The following HSD3B2 variants were observed in gnomAD, a reference collection of about 807,000 sequenced individuals.
HSD3B2 encodes hydroxy-delta-5-steroid dehydrogenase, 3 beta- and steroid delta-isomerase 2, also known as 3 beta-hydroxysteroid dehydrogenase/Delta 5-->4-isomerase type 2.
In HSD3B2, 8 loss-of-function variants were observed where a neutral mutation model predicts 9.9. The ratio of observed to expected loss-of-function variants is 0.81; its 90% CI spans 0.47 to 1.46. HSD3B2 has a LOEUF of 1.46. Among genes scored for constraint, HSD3B2 ranks in the 40% most tolerant of loss-of-function variants. The probability of loss-of-function intolerance (pLI) is 0.00; values close to 1 mark genes in which losing one functional copy is unlikely to be tolerated. For synonymous variants in HSD3B2, 221 were observed against 184.5 expected (o/e 1.20, Z -1.60); for missense variants, 410 against 448.3 (o/e 0.91, Z 0.77).
At position 119,415,430 on chromosome 1, in the gene HSD3B2, G is replaced by A. The variant is rs773416276; in HGVS notation, c.11G>A (p.Ser4Asn). The change falls in exon 2 of 4, where the codon AGC becomes AAC. Residue 4 changes from serine to asparagine, a missense_variant. Physicochemically the swap from Ser to Asn is conservative, Grantham distance 46. Transcript: ENST00000369416. The part of the protein sequence containing the change: MGW[S>N]CLVTGAGGLL... ...TTTGGATTGGCCACGATGGGCTGGA[G>A]CTGCCTTGTGACAGGAGCAGGAGGG... 6.2e-7 allele frequency: 1 copy of A among 1,613,870 alleles called. No homozygotes were observed. Among genetic ancestry groups the A allele is most frequent in the African/African-American group, 1.3e-5 (1 of 74,928 alleles).
intron 3 of HSD3B2, among the ~76,000 whole-genome samples, chr1:119,421,143 T>C (rs1430081154): frequency 6.6e-6 from 1 of 151,980 alleles, no homozygotes; most frequent in African/African-American, 2.4e-5. Context: ...AGAGTGTATA[T>C]TGCCTATATT....
chr1:119,415,909 A>C (rs1651694909), intron 2 of HSD3B2, among the ~76,000 whole-genome samples: 1 of 152,120 alleles, frequency 6.6e-6, no homozygotes, highest in African/African-American at 2.4e-5. Flanking sequence ...GACATTCACA[A>C]AGGACATCAT....
chr1:119,418,632 ATTAT>A, intron 2 of HSD3B2, among the ~76,000 whole-genome samples: 1 of 29,568 alleles, frequency 3.4e-5, no homozygotes, highest in Non-Finnish European at 1.1e-4. Context: ...TATTATTACT[ATTAT>A]TATTATTATT....
rs2101350904 is a variant in HSD3B2, at chr1:119,422,498, G to T, written c.997G>T (p.Ala333Ser). 6.2e-7 allele frequency: 1 copy of T among 1,614,116 alleles called. No individual in the cohort carries two copies. The highest frequency in any genetic ancestry group is 1.3e-5 in the African/African-American group (1 of 75,028). Residue 333 changes from alanine to serine, a missense_variant, in exon 4 of 4, where the codon GCT (alanine) becomes TCT (serine). Coordinates refer to ENST00000369416, the MANE Select transcript of HSD3B2 (RefSeq NM_000198.4). ...NSVFTFSYKKAQRDLAYKPLY... is the reference protein window; with the variant it reads ...NSVFTFSYKKSQRDLAYKPLY... ...TGTGTTCACCTTCTCTTACAAGAAG[G>T]CTCAGCGAGATCTGGCGTATAAGCC...
intron 3 of HSD3B2, 142 bp from the exon 4 acceptor site, chr1:119,421,667 G>T: frequency 1.0e-6 from 1 of 956,902 alleles, no homozygotes; most frequent in Admixed American, 1.7e-5. Context: ...CCCAATCTCA[G>T]TCAGAGCCAC....
chr1:119,419,405 T>G lies in HSD3B2; in HGVS notation c.143-13T>G, dbSNP rs765726425. On this transcript the variant is annotated splice_polypyrimidine_tract_variant and intron_variant, in intron 2 of 3. Coordinates refer to ENST00000369416, the MANE Select transcript of HSD3B2 (RefSeq NM_000198.4). ...CAGAAATCTTTCCAATGACCTGACCTGTGTTCACACAGAGCTCCAGAACAG... is the reference window on the plus strand; with the variant it reads ...CAGAAATCTTTCCAATGACCTGACCGGTGTTCACACAGAGCTCCAGAACAG... 7.4e-6 allele frequency: 12 copies of G among 1,613,452 alleles called. No homozygotes were observed. In the African/African-American group the frequency reaches 1.5e-4, roughly 20 times the overall value.
intron 3 of HSD3B2, among the ~76,000 whole-genome samples, chr1:119,420,480 T>C (rs931282724): frequency 2.6e-5 from 4 of 152,172 alleles, no homozygotes; most frequent in Non-Finnish European, 5.9e-5. Flanking sequence ...ACCGCTATAG[T>C]TCAAGGAGTG....
Position 119,422,715 on chromosome 1 carries a change from G to A in HSD3B2, c.*95G>A, listed in dbSNP as rs1651929467. The A allele has an allele frequency of 7.0e-7, 1 of 1,433,358 alleles. No individual in the cohort carries two copies. The highest frequency in any genetic ancestry group is 1.9e-5 in the Admixed American group (1 of 53,038). The allele number at this position is 1,433,358 out of a possible 1,614,324, so 88.8% of individuals were successfully genotyped here. ...CATACAGAAGGCAACAGGGGCACAA[G>A]CCCAGGTCCTGCTGCCTCTCTTTCA... On this transcript the variant is annotated 3_prime_UTR_variant, in exon 4 of 4. Coordinates refer to ENST00000369416, the MANE Select transcript of HSD3B2 (RefSeq NM_000198.4).
At chr1:119,418,569 T>C (rs935696486) in intron 2 of HSD3B2, among the ~76,000 whole-genome samples, 40 of 152,096 alleles carry the variant, frequency 2.6e-4, no homozygotes, top group African/African-American at 9.2e-4. Flanking sequence ...TTTTATATCC[T>C]CAAGCCAAGG....
chr1:119,421,442 TATATATATATGTATATATATATG>T (rs1433368224), intron 3 of HSD3B2, among the ~76,000 whole-genome samples: 35 of 19,692 alleles, frequency 1.8e-3, no homozygotes, highest in African/African-American at 9.3e-3. Flanking sequence ...TATATATATG[TATATATATATGTATATATATATG>T]TATATATATA....
chr1:119,418,960 A>C lies in HSD3B2; in HGVS notation c.143-458A>C, dbSNP rs377098390. ...GCCACTGCACCCGGCCTGTTTCTCT[A>C]CTTATTCCAACATAAATAAGGGTTT... On this transcript the variant is annotated intron_variant, in intron 2 of 3. Transcript: ENST00000369416. 5.3e-5 allele frequency among the ~76,000 whole-genome samples: 8 copies of C among 152,244 alleles called. No homozygotes were observed. In the South Asian group the frequency reaches 1.7e-3, roughly 32 times the overall value.
rs1329835742 is a variant in HSD3B2, at chr1:119,419,425, G to A, written c.150G>A (p.Gln50=). ...TGACCTGTGTTCACACAGAGCTCCA[G>A]AACAGGACCAAGCTGACTGTACTTG... is the stretch of plus-strand genomic sequence containing the variant. The part of the protein sequence containing the change: ...PELREEFSKL[Q]NRTKLTVLEG... Residue 50 remains glutamine (Q), a synonymous_variant, in exon 3 of 4, where the codon CAG becomes CAA. Coordinates refer to ENST00000369416, the MANE Select transcript of HSD3B2 (RefSeq NM_000198.4). 8 of 1,613,554 alleles carry A rather than the reference G, an allele frequency of 5.0e-6. No homozygotes were observed. The Admixed American group carries it at 1.0e-4, about 20-fold the overall frequency.
intron 3 of HSD3B2, 38 bp from the exon 4 acceptor site, chr1:119,421,771 A>G: frequency 6.2e-7 from 1 of 1,611,252 alleles, no homozygotes; most frequent in Non-Finnish European, 8.5e-7. Context: ...CTCCTTTGGG[A>G]TATTTCCTGA....
Position 119,422,533 on chromosome 1 carries a change from C to A in HSD3B2, c.1032C>A (p.Ser344Arg). The A allele has an allele frequency of 6.2e-7, 1 of 1,614,110 alleles. No homozygotes were observed. The highest frequency in any genetic ancestry group is 1.1e-5 in the South Asian group (1 of 91,076). ...QRDLAYKPLY[S>R]WEEAKQKTVE... ...ATCTGGCGTATAAGCCACTCTACAG[C>A]TGGGAGGAAGCCAAGCAGAAAACCG... The change falls in exon 4 of 4, where the codon AGC becomes AGA. Residue 344 changes from serine (S) to arginine (R), a missense_variant. Transcript: ENST00000369416.
chr1:119,421,766 T>C, intron 3 of HSD3B2, 43 bp from the exon 4 acceptor site: 1 of 1,609,496 alleles, frequency 6.2e-7, no homozygotes, highest in South Asian at 1.1e-5. Flanking sequence ...TGCAGCTCCT[T>C]TGGGATATTT....
intron 2 of HSD3B2, 98 bp downstream of exon 2, chr1:119,415,659 C>T (rs1651688487): frequency 7.9e-7 from 1 of 1,271,952 alleles, no homozygotes; most frequent in African/African-American, 1.5e-5. Context: ...AAGTTGTAGC[C>T]AAATGAAAGC....
In HSD3B2 at chr1:119,419,433, C is replaced by A; in HGVS notation, c.158C>A (p.Thr53Asn). 1.2e-6 allele frequency: 2 copies of A among 1,613,730 alleles called. No homozygotes were observed. The highest frequency in any genetic ancestry group is 1.7e-6 in the Non-Finnish European group (2 of 1,179,768). Residue 53 changes from threonine (T) to asparagine (N), a missense_variant, in exon 3 of 4, where the codon ACC becomes AAC. Coordinates refer to ENST00000369416, the MANE Select transcript of HSD3B2 (RefSeq NM_000198.4). ...REEFSKLQNR[T>N]KLTVLEGDIL... is the part of the protein sequence containing the mutation. The stretch of plus-strand genomic sequence containing the variant: ...GTTCACACAGAGCTCCAGAACAGGA[C>A]CAAGCTGACTGTACTTGAAGGAGAC...
In HSD3B2 at chr1:119,415,191, A is replaced by G. The variant is rs1651669164; in HGVS notation, c.-101A>G. The stretch of plus-strand genomic sequence containing the variant: ...GGACTCCTCTGTCCAGCTTTTAACA[A>G]TCTAAGTTACGGTTAGAGCTTTCTC... On this transcript the variant is annotated 5_prime_UTR_variant, in exon 1 of 4. Transcript: ENST00000369416. The G allele has an allele frequency of 2.0e-6, 1 of 511,960 alleles. No homozygotes were observed. The highest frequency in any genetic ancestry group is 3.5e-6 in the Non-Finnish European group (1 of 281,746). 31.7% of individuals were successfully genotyped at this position (511,960 alleles called of 1,614,324 possible).
At chr1:119,419,379 C>T in intron 2 of HSD3B2, 39 bp from the exon 3 acceptor site, 1 of 1,610,232 alleles carries the variant, frequency 6.2e-7, no homozygotes, top group Non-Finnish European at 8.5e-7. Context: ...CCAGCCAGAT[C>T]CAGAAATCTT....
Sources: gnomAD v4.1 joint callset for allele counts (sites outside exome capture counted in the v4.1 genomes callset) on GRCh38, gnomAD v4.1.1 for gene constraint, MANE v1.5 for transcripts, NCBI Gene and HGNC (gene_info 2026-07-23, HGNC 2026-07-21) for gene names.